The following PRDM11 variants were observed in gnomAD, a reference collection of about 807,000 sequenced individuals.
The protein encoded by PRDM11 is PR/SET domain 11.
A neutral mutation model predicts 97.8 loss-of-function variants in PRDM11; 20 were observed. That is an observed-to-expected ratio of 0.20 (90% CI 0.14 to 0.30). PRDM11 has a LOEUF of 0.30. Among genes scored for constraint, PRDM11 ranks in the 10% least tolerant of loss-of-function variants. The pLI, the probability that PRDM11 is intolerant of heterozygous loss-of-function variation, is 1.00. For synonymous variants in PRDM11, 599 were observed against 637.7 expected (o/e 0.94, Z 0.91); for missense variants, 1,139 against 1,555.2 (o/e 0.73, Z 4.50).
At chr11:45,147,993 T>C (rs775214129) in intron 1 of PRDM11, among the ~76,000 whole-genome samples, 3 of 152,120 alleles carry the variant, frequency 2.0e-5, no homozygotes, top group African/African-American at 4.8e-5. Context: ...ATGATGCCTG[T>C]AGCAACCAAG....
intron 1 of PRDM11, among the ~76,000 whole-genome samples, chr11:45,120,403 A>G (rs1333750608): frequency 1.3e-5 from 2 of 152,202 alleles, no homozygotes; most frequent in Non-Finnish European, 2.9e-5. Context: ...GATACAATGT[A>G]AAACCACATG....
chr11:45,196,322 G>A (rs748760343), intron 4 of PRDM11, among the ~76,000 whole-genome samples: 16 of 152,082 alleles, frequency 1.1e-4, no homozygotes, highest in Non-Finnish European at 1.9e-4. Flanking sequence ...TGGATGCGCC[G>A]GTTGTGTACT....
chr11:45,167,737 G>A (rs1332060139), intron 1 of PRDM11, among the ~76,000 whole-genome samples: 4 of 148,920 alleles, frequency 2.7e-5, no homozygotes. Flanking sequence ...GACCCAAGGA[G>A]GACTGCCTCT....
At chr11:45,135,744 A>G (rs188373455) in intron 1 of PRDM11, among the ~76,000 whole-genome samples, 2 of 152,334 alleles carry the variant, frequency 1.3e-5, no homozygotes, top group Non-Finnish European at 2.9e-5. Context: ...TTCTCCTCAA[A>G]TTAACCTATA....
chr11:45,197,331 C>T (rs1853158862), intron 4 of PRDM11, among the ~76,000 whole-genome samples: 1 of 151,986 alleles, frequency 6.6e-6, no homozygotes, highest in South Asian at 2.1e-4. Context: ...ATGGTGGTTT[C>T]CAGTGGCTGG....
chr11:45,206,847 G>T (rs1181798743), intron 5 of PRDM11, among the ~76,000 whole-genome samples: 1 of 152,220 alleles, frequency 6.6e-6, no homozygotes. Flanking sequence ...ATACAGTCAG[G>T]GTAGCAGAAT....
At chr11:45,168,757 A>C (rs952713801) in intron 1 of PRDM11, among the ~76,000 whole-genome samples, 1 of 152,196 alleles carries the variant, frequency 6.6e-6, no homozygotes, top group Non-Finnish European at 1.5e-5. Flanking sequence ...AGCACCCGGC[A>C]AGTGGTCAAT....
chr11:45,198,796 G>GATTT (rs1253784811), intron 4 of PRDM11, among the ~76,000 whole-genome samples: 1 of 152,184 alleles, frequency 6.6e-6, no homozygotes, highest in Non-Finnish European at 1.5e-5. Context: ...GGTTAATGGA[G>GATTT]TCATTAGGAA....
chr11:45,169,609 G>T (rs1475038211), intron 1 of PRDM11, among the ~76,000 whole-genome samples: 1 of 152,204 alleles, frequency 6.6e-6, no homozygotes, highest in Non-Finnish European at 1.5e-5. Flanking sequence ...CCTTGGCAAT[G>T]ACCTTGAGCA....
intron 5 of PRDM11, among the ~76,000 whole-genome samples, chr11:45,211,733 C>T (rs1456595204): frequency 2.0e-5 from 3 of 152,124 alleles, no homozygotes; most frequent in Non-Finnish European, 4.4e-5. Context: ...CACTCTTCCC[C>T]CCAAGTCCGC....
At chr11:45,108,575 C>T (rs951424987) in intron 1 of PRDM11, among the ~76,000 whole-genome samples, 6 of 152,232 alleles carry the variant, frequency 3.9e-5, no homozygotes, top group Non-Finnish European at 5.9e-5. Flanking sequence ...GGCTCCTGCC[C>T]TTGGACAGGA....
chr11:45,122,779 G>T (rs1360893085), intron 1 of PRDM11, among the ~76,000 whole-genome samples: 1 of 152,074 alleles, frequency 6.6e-6, no homozygotes, highest in East Asian at 1.9e-4. Flanking sequence ...CTTTGCTATT[G>T]TGAATAGTGC....
intron 1 of PRDM11, among the ~76,000 whole-genome samples, chr11:45,104,440 G>T (rs1345080441): frequency 6.6e-6 from 1 of 152,184 alleles, no homozygotes; most frequent in Non-Finnish European, 1.5e-5. Flanking sequence ...GAGGACACGT[G>T]CCCTTCCTGC....
intron 1 of PRDM11, among the ~76,000 whole-genome samples, chr11:45,104,892 G>A (rs1852035135): frequency 6.6e-6 from 1 of 152,142 alleles, no homozygotes; most frequent in Admixed American, 6.5e-5. Flanking sequence ...GGAGCTCCTG[G>A]GACCATCTCC....
At chr11:45,184,266 G>A (rs1007091025) in intron 4 of PRDM11, among the ~76,000 whole-genome samples, 5 of 152,338 alleles carry the variant, frequency 3.3e-5, no homozygotes, top group Admixed American at 3.3e-4. Flanking sequence ...GCTTGATTTT[G>A]TAGGGCCCAG....
rs138043983 is a variant in PRDM11 at position 45,140,521 on chromosome 11, T to C, written c.97-41240T>C. On this transcript the variant is annotated intron_variant, in intron 1 of 6. Coordinates refer to the PRDM11 transcript ENST00000530656. ...ATTAAACATAACATCTACCTGGGCA[T>C]AAATTATCTTCAGAAGAGCCCCCAA... is the stretch of plus-strand genomic sequence containing the variant. 5.1e-3 allele frequency among the ~76,000 whole-genome samples: 778 copies of C among 152,290 alleles called. 7 individuals carry two copies. Among genetic ancestry groups the C allele is most frequent in the Non-Finnish European group, 7.8e-3 (532 of 68,034 alleles).
intron 1 of PRDM11, among the ~76,000 whole-genome samples, chr11:45,103,792 T>C (rs1248164850): frequency 6.8e-6 from 1 of 148,116 alleles, no homozygotes; most frequent in African/African-American, 2.5e-5. Context: ...AAATTATATA[T>C]ATAAAAATTA....
intron 4 of PRDM11, among the ~76,000 whole-genome samples, chr11:45,186,589 T>A (rs886377671): frequency 6.2e-5 from 9 of 146,206 alleles, no homozygotes; most frequent in African/African-American, 2.4e-4. Flanking sequence ...CAGTAGGAAG[T>A]CTCCTTGGCC....
chr11:45,169,215 A>G (rs980345511), intron 1 of PRDM11, among the ~76,000 whole-genome samples: 3 of 152,250 alleles, frequency 2.0e-5, no homozygotes, highest in African/African-American at 4.8e-5. Flanking sequence ...CCACATACCT[A>G]TCACCCAACC....
Sources: gnomAD v4.1 joint callset for allele counts (sites outside exome capture counted in the v4.1 genomes callset) on GRCh38, gnomAD v4.1.1 for gene constraint, MANE v1.5 for transcripts, NCBI Gene and HGNC (gene_info 2026-07-23, HGNC 2026-07-21) for gene names.